The following ARSB variants were observed in gnomAD, a reference collection of about 807,000 sequenced individuals.
The protein encoded by ARSB is arylsulfatase B.
In ARSB, 41 loss-of-function variants were observed where a neutral mutation model predicts 50.9. That is an observed-to-expected ratio of 0.81 (90% CI 0.63 to 1.04). ARSB has a LOEUF of 1.04. ARSB is among the 50% of genes least tolerant of loss of function. The pLI is 0.00. For missense variants in ARSB, 672 were observed against 693.3 expected (o/e 0.97, Z 0.35); for synonymous variants, 269 against 284.8 (o/e 0.94, Z 0.56).
intron 5 of ARSB, among the ~76,000 whole-genome samples, chr5:78,878,380 G>A (rs1254577103): frequency 6.6e-6 from 1 of 152,164 alleles, no homozygotes; most frequent in Non-Finnish European, 1.5e-5. Context: ...ATGATTAATA[G>A]TCAGATGCCA....
rs73126654 is a variant in ARSB, at chr5:78,896,868, T to A, written c.899-11041A>T. On this transcript the variant is annotated intron_variant, in intron 4 of 7. Transcript: ENST00000264914. ...TTATATACAATACTGTAACTATATG[T>A]CTAATTAAAAAAAATAACTCTCAGT... Among the ~76,000 whole-genome samples the A allele has an allele frequency of 1.1e-3, 173 of 152,230 alleles. 1 individual carries two copies. Among genetic ancestry groups the A allele is most frequent in the African/African-American group, 4.1e-3 (170 of 41,544 alleles).
At chr5:78,837,289 A>G (rs1272705024) in intron 6 of ARSB, among the ~76,000 whole-genome samples, 5 of 152,216 alleles carry the variant, frequency 3.3e-5, no homozygotes, top group Non-Finnish European at 5.9e-5. Flanking sequence ...CCTAGGTTAT[A>G]CTGGGCTTTG....
intron 6 of ARSB, among the ~76,000 whole-genome samples, chr5:78,816,758 T>C (rs1198636287): frequency 6.6e-6 from 1 of 152,206 alleles, no homozygotes; most frequent in Non-Finnish European, 1.5e-5. Flanking sequence ...AAAGGGTCAA[T>C]GGGACAAGAA....
At position 78,848,050 on chromosome 5, in the gene ARSB, TTTATTTTATTATTATTA is replaced by T. The variant is rs895100790; in HGVS notation, c.1143-8641_1143-8625del. On this transcript the variant is annotated intron_variant, in intron 5 of 7. Transcript: ENST00000264914. ...TGTATTATTTTTTAGCGTGAATTTT[TTTATTTTATTATTATTA>T]TTATTTTATTATTATTATACTTTAA... Among the ~76,000 whole-genome samples the T allele has an allele frequency of 4.6e-5, 7 of 151,096 alleles. No individual in the cohort carries two copies. The South Asian group carries it at 1.2e-3, about 27-fold the overall frequency.
intron 6 of ARSB, among the ~76,000 whole-genome samples, chr5:78,802,887 G>T (rs565099038): frequency 2.4e-4 from 36 of 152,288 alleles, no homozygotes; most frequent in African/African-American, 8.7e-4. Flanking sequence ...TAAATTTGTG[G>T]CCAGGATAAA....
intron 4 of ARSB, among the ~76,000 whole-genome samples, chr5:78,930,166 A>C (rs1750256266): frequency 6.6e-6 from 1 of 152,188 alleles, no homozygotes; most frequent in Non-Finnish European, 1.5e-5. Flanking sequence ...CCAAAGTGGG[A>C]GTTTAAAATG....
Position 78,985,215 on chromosome 5 carries a change from C to T in ARSB, c.34G>A (p.Gly12Ser). The T allele has an allele frequency of 2.2e-6, 3 of 1,355,406 alleles. No individual in the cohort carries two copies. Among genetic ancestry groups the T allele is most frequent in the East Asian group, 3.1e-5 (1 of 32,504 alleles). 84.0% of individuals were successfully genotyped at this position (1,355,406 alleles called of 1,614,324 possible). A position where few individuals can be genotyped will look rare whatever the true frequency, so the allele number is the denominator to read the frequency against. The part of the protein sequence containing the change: ...GPRGAASLPR[G>S]PGPRRLLLPV... ...AGGAGCAGCCGCCGAGGTCCGGGGC[C>T]TCGGGGCAAGCTCGCCGCGCCGCGC... Residue 12 changes from glycine (G) to serine (S), a missense_variant, in exon 1 of 8, where the codon GGC becomes AGC. By Grantham distance (56) the Gly-to-Ser change is moderately conservative (BLOSUM62 0). Coordinates refer to ENST00000264914, the MANE Select transcript of ARSB (RefSeq NM_000046.5).
At chr5:78,823,921 A>G (rs1381669294) in intron 6 of ARSB, among the ~76,000 whole-genome samples, 1 of 152,246 alleles carries the variant, frequency 6.6e-6, no homozygotes, top group Non-Finnish European at 1.5e-5. Flanking sequence ...TGTTTCCTCC[A>G]AATCTCATGT....
chr5:78,783,073 C>T (rs1162208726), intron 6 of ARSB, among the ~76,000 whole-genome samples: 3 of 152,122 alleles, frequency 2.0e-5, no homozygotes, highest in African/African-American at 7.2e-5. Context: ...CCTACTTATG[C>T]CTATGGTTGA....
intron 4 of ARSB, among the ~76,000 whole-genome samples, chr5:78,944,547 A>C (rs886499681): frequency 1.3e-5 from 2 of 152,234 alleles, no homozygotes; most frequent in African/African-American, 4.8e-5. Flanking sequence ...GGTCCACTCC[A>C]GACCCTGTTT....
In ARSB at chr5:78,985,125, T is replaced by C. The variant is rs1250729156; in HGVS notation, c.124A>G (p.Ser42Gly). 7 of 1,482,968 alleles carry C rather than the reference T, an allele frequency of 4.7e-6. No homozygotes were observed. The highest frequency in any genetic ancestry group is 9.0e-7 in the Non-Finnish European group (1 of 1,115,056). The allele number at this position is 1,482,968 out of a possible 1,614,324, so 91.9% of individuals were successfully genotyped here. The change falls in exon 1 of 8, where the codon AGC becomes GGC. Residue 42 changes from serine to glycine, a missense_variant. Transcript: ENST00000264914. ...LAPPGSGAGASRPPHLVFLLA... is the reference protein window; with the variant it reads ...LAPPGSGAGAGRPPHLVFLLA... ...AAGAAGACCAGGTGGGGCGGCCGGC[T>C]GGCCCCGGCGCCCGAGCCCGGCGGC...
intron 5 of ARSB, among the ~76,000 whole-genome samples, chr5:78,873,627 C>A (rs1034364269): frequency 1.3e-5 from 2 of 148,526 alleles, no homozygotes; most frequent in South Asian, 4.3e-4. Flanking sequence ...TCCCAAGGAG[C>A]TGGGACTACA....
intron 4 of ARSB, among the ~76,000 whole-genome samples, chr5:78,942,909 G>T (rs1378005884): frequency 6.6e-6 from 1 of 152,186 alleles, no homozygotes; most frequent in East Asian, 1.9e-4. Context: ...TATTGTGTGG[G>T]AGTCTAAGTC....
At position 78,968,058 on chromosome 5, in the gene ARSB, A is replaced by C. The variant is rs146732550; in HGVS notation, c.499+948T>G. ...GTTTCACATTTAGTTTCATAGGGCTATCAAGTTTATAAAATACTTATTATT... is the reference window on the plus strand; with the variant it reads ...GTTTCACATTTAGTTTCATAGGGCTCTCAAGTTTATAAAATACTTATTATT... On this transcript the variant is annotated intron_variant, in intron 2 of 7. Transcript: ENST00000264914. Among the ~76,000 whole-genome samples the C allele has an allele frequency of 2.0e-3, 297 of 152,288 alleles. 2 individuals are homozygous for C. The highest frequency in any genetic ancestry group is 6.8e-3 in the African/African-American group (283 of 41,566).
chr5:78,782,140 T>C (rs553223495), intron 6 of ARSB, among the ~76,000 whole-genome samples, 166 bp from the exon 7 acceptor site: 2 of 152,318 alleles, frequency 1.3e-5, no homozygotes, highest in South Asian at 4.1e-4. Context: ...CAGAAAGCTA[T>C]AGTTACATGA....
intron 6 of ARSB, chr5:78,816,096 A>T (rs1387811977): frequency 6.2e-7 from 1 of 1,614,194 alleles, no homozygotes; most frequent in Non-Finnish European, 8.5e-7. Context: ...CTACAACAGC[A>T]GCGAGCACTC....
intron 5 of ARSB, among the ~76,000 whole-genome samples, chr5:78,846,879 T>A (rs1022657333): frequency 6.6e-6 from 1 of 152,232 alleles, no homozygotes; most frequent in African/African-American, 2.4e-5. Context: ...CGATGTTTGC[T>A]ATGGGCTTAT....
chr5:78,903,441 C>A (rs1434049935), intron 4 of ARSB, among the ~76,000 whole-genome samples: 1 of 152,232 alleles, frequency 6.6e-6, no homozygotes, highest in Non-Finnish European at 1.5e-5. Context: ...ATTATCAAAA[C>A]CCAGAGCTTC....
At chr5:78,850,350 C>G (rs1243100204) in intron 5 of ARSB, among the ~76,000 whole-genome samples, 1 of 152,090 alleles carries the variant, frequency 6.6e-6, no homozygotes, top group African/African-American at 2.4e-5. Context: ...TGGTTATATG[C>G]TGGATTACAT....
Sources: allele counts gnomAD v4.1 joint callset (sites outside exome capture counted in the v4.1 genomes callset), GRCh38; gene constraint gnomAD v4.1.1; transcripts MANE v1.5; gene names NCBI Gene and HGNC (gene_info 2026-07-23, HGNC 2026-07-21).